CNTLN: variants seen among roughly 807,000 people sequenced by gnomAD.
CNTLN encodes the protein centlein, also known as centlein, centrosomal protein.
Under a neutral mutation model 180.0 loss-of-function variants are expected in CNTLN, and 212 were observed. The observed-to-expected ratio is 1.18, with a 90% CI of 1.05 to 1.32. The LOEUF is 1.32. Among genes scored for constraint, CNTLN ranks in the 40% most tolerant of loss-of-function variants. The pLI is 0.00. For synonymous variants in CNTLN, 722 were observed against 563.1 expected (o/e 1.28, Z -3.99); for missense variants, 2,095 against 1,610.9 (o/e 1.30, Z -5.14).
chr9:17,215,892 C>G (rs1823718283), intron 2 of CNTLN, among the ~76,000 whole-genome samples: 1 of 152,090 alleles, frequency 6.6e-6, no homozygotes, highest in Non-Finnish European at 1.5e-5. Flanking sequence ...TATGCTAAGA[C>G]CGTTGGAAAA....
chr9:17,199,801 C>G (rs539128588), intron 2 of CNTLN, among the ~76,000 whole-genome samples: 1 of 152,138 alleles, frequency 6.6e-6, no homozygotes, highest in Non-Finnish European at 1.5e-5. Flanking sequence ...CCTGTTCATT[C>G]TGATGATAGT....
intron 6 of CNTLN, among the ~76,000 whole-genome samples, chr9:17,295,129 G>C (rs1295412007): frequency 6.6e-6 from 1 of 151,308 alleles, no homozygotes; most frequent in Non-Finnish European, 1.5e-5. Flanking sequence ...CTCTGAGTGC[G>C]GGCCGCCAAG....
At chr9:17,295,611 C>T (rs952933171) in intron 6 of CNTLN, among the ~76,000 whole-genome samples, 3 of 152,150 alleles carry the variant, frequency 2.0e-5, no homozygotes, top group Non-Finnish European at 2.9e-5. Flanking sequence ...CCTCCGACCA[C>T]AGCTGTTTCT....
intron 2 of CNTLN, among the ~76,000 whole-genome samples, chr9:17,180,910 T>A (rs952736562): frequency 8.5e-5 from 13 of 152,198 alleles, no homozygotes; most frequent in African/African-American, 3.1e-4. Context: ...CAGCAAGAAA[T>A]CTGCTGTCAT....
the CNTLN span, among the ~76,000 whole-genome samples, chr9:17,516,288 C>G: frequency 6.6e-6 from 1 of 152,154 alleles, no homozygotes; most frequent in Admixed American, 6.6e-5. Context: ...CTTCTATAGA[C>G]CGTAAGTCAT....
intron 19 of CNTLN, among the ~76,000 whole-genome samples, chr9:17,462,328 C>A (rs578109957): frequency 6.6e-6 from 1 of 151,740 alleles, no homozygotes; most frequent in East Asian, 1.9e-4. Flanking sequence ...CCACATGATA[C>A]ATCAACTGTA....
intron 6 of CNTLN, among the ~76,000 whole-genome samples, chr9:17,291,812 G>A (rs1829430840): frequency 6.6e-6 from 1 of 152,130 alleles, no homozygotes; most frequent in Non-Finnish European, 1.5e-5. Context: ...TACATTTAAG[G>A]TTAATATTGT....
At chr9:17,440,903 G>A (rs1314080664) in intron 18 of CNTLN, among the ~76,000 whole-genome samples, 1 of 152,210 alleles carries the variant, frequency 6.6e-6, no homozygotes, top group African/African-American at 2.4e-5. Flanking sequence ...TCCATAGACA[G>A]AAATTGGATT....
chr9:17,161,631 A>G (rs1819685346), intron 2 of CNTLN, among the ~76,000 whole-genome samples: 2 of 152,220 alleles, frequency 1.3e-5, no homozygotes, highest in Non-Finnish European at 2.9e-5. Context: ...AAAAATTAGT[A>G]TTAGTAATAC....
chr9:17,444,596 A>T (rs577624203), intron 18 of CNTLN, among the ~76,000 whole-genome samples: 1 of 152,304 alleles, frequency 6.6e-6, no homozygotes. Flanking sequence ...AGAACTACTG[A>T]TTTAGAAGAA....
At chr9:17,360,231 A>G (rs1823258487) in intron 12 of CNTLN, among the ~76,000 whole-genome samples, 1 of 152,200 alleles carries the variant, frequency 6.6e-6, no homozygotes, top group African/African-American at 2.4e-5. Flanking sequence ...TTATTCAATG[A>G]AACTTGTTAA....
chr9:17,262,920 G>T (rs1395222645), intron 5 of CNTLN, among the ~76,000 whole-genome samples: 2 of 150,924 alleles, frequency 1.3e-5, no homozygotes, highest in Non-Finnish European at 2.9e-5. Flanking sequence ...TATCATGAAG[G>T]GTTGTTAGAT....
chr9:17,295,770 A>G (rs982264998), intron 6 of CNTLN, among the ~76,000 whole-genome samples: 25 of 152,116 alleles, frequency 1.6e-4, no homozygotes, highest in Admixed American at 7.9e-4. Context: ...TGTACATATC[A>G]TCACTTGTAC....
At chr9:17,396,514 T>C (rs1283813033) in intron 15 of CNTLN, among the ~76,000 whole-genome samples, 1 of 152,228 alleles carries the variant, frequency 6.6e-6, no homozygotes, top group African/African-American at 2.4e-5. Flanking sequence ...TGATTTTCCC[T>C]AGTTTTTTAT....
intron 8 of CNTLN, among the ~76,000 whole-genome samples, chr9:17,313,722 C>G (rs549095399): frequency 6.6e-6 from 1 of 152,134 alleles, no homozygotes; most frequent in African/African-American, 2.4e-5. Flanking sequence ...CCTGTTCTTT[C>G]TTTTCTCCTT....
intron 8 of CNTLN, among the ~76,000 whole-genome samples, chr9:17,321,535 C>T (rs1267864110): frequency 1.3e-5 from 2 of 152,012 alleles, no homozygotes; most frequent in South Asian, 4.2e-4. Context: ...GAAGTAAGAG[C>T]AGTAAAGAAT....
At chr9:17,392,979 T>A (rs1205181833) in intron 14 of CNTLN, among the ~76,000 whole-genome samples, 1 of 152,182 alleles carries the variant, frequency 6.6e-6, no homozygotes, top group Admixed American at 6.6e-5. Flanking sequence ...TTGGTTGTTG[T>A]CTTAGTCTCT....
intron 16 of CNTLN, 51 bp from the exon 17 acceptor site, chr9:17,415,737 T>C (rs2133883728): frequency 9.2e-7 from 1 of 1,091,198 alleles, no homozygotes; most frequent in East Asian, 2.4e-5. Context: ...TCAGTTCACT[T>C]GATGTTGTTA....
intron 15 of CNTLN, among the ~76,000 whole-genome samples, chr9:17,402,304 A>G (rs1827041127): frequency 6.6e-6 from 1 of 151,810 alleles, no homozygotes; most frequent in Admixed American, 6.6e-5. Context: ...GACAAACCCA[A>G]AATATGAACA....
Sources: gnomAD v4.1 joint callset for allele counts (sites outside exome capture counted in the v4.1 genomes callset) on GRCh38, gnomAD v4.1.1 for gene constraint, MANE v1.5 for transcripts, NCBI Gene and HGNC (gene_info 2026-07-23, HGNC 2026-07-21) for gene names.